Variants in SMAD9 observed in about 807,000 individuals in gnomAD.
SMAD9 encodes MAD homolog 9.
A neutral mutation model predicts 46.1 loss-of-function variants in SMAD9; 36 were observed. The observed-to-expected ratio is 0.78, with a 90% CI of 0.60 to 1.03. SMAD9 has a LOEUF of 1.03. Ranked by LOEUF, SMAD9 falls within the 50% of genes least tolerant of loss-of-function variation. SMAD9 has a pLI of 0.00. For missense variants in SMAD9, 572 were observed against 599.8 expected, an observed-to-expected ratio of 0.95 and a Z score of 0.48; for synonymous variants, 245 against 237.1, an observed-to-expected ratio of 1.03 and a Z score of -0.31.
intron 2 of SMAD9, among the ~76,000 whole-genome samples, chr13:36,878,871 A>C (rs2058372362): frequency 6.6e-6 from 1 of 152,196 alleles, no homozygotes; most frequent in Admixed American, 6.5e-5. Flanking sequence ...CTTTTATGGC[A>C]GTTTTCTCCG....
chr13:36,867,319 T>C lies in SMAD9; in HGVS notation c.735A>G (p.Val245=). The change falls in exon 4 of 7, where the codon GTA becomes GTG. Residue 245 remains valine (V), a synonymous_variant. Coordinates refer to ENST00000379826, the MANE Select transcript of SMAD9 (RefSeq NM_001127217.3). ...EASETQSGQP[V]DATADRHVVL... ...CTACATGTCTATCAGCTGTGGCATC[T>C]ACAGGTTGGCCACTCTGGGTCTCAG... 1 of 1,551,432 alleles carries C rather than the reference T, an allele frequency of 6.4e-7. No individual in the cohort carries two copies. Among genetic ancestry groups the C allele is most frequent in the Non-Finnish European group, 8.7e-7 (1 of 1,146,768 alleles).
intron 1 of SMAD9, among the ~76,000 whole-genome samples, chr13:36,882,344 C>G (rs565077915): frequency 2.0e-5 from 3 of 151,986 alleles, no homozygotes; most frequent in Non-Finnish European, 4.4e-5. Flanking sequence ...TTGAAAAGCA[C>G]TACTCCTAAA....
chr13:36,865,207 T>C (rs2058220595), intron 5 of SMAD9, among the ~76,000 whole-genome samples: 1 of 152,260 alleles, frequency 6.6e-6, no homozygotes, highest in African/African-American at 2.4e-5. Context: ...GTTTGTAAGT[T>C]TTAGGGAAAT....
At chr13:36,866,949 A>G (rs1403966232) in intron 4 of SMAD9, among the ~76,000 whole-genome samples, 1 of 152,238 alleles carries the variant, frequency 6.6e-6, no homozygotes, top group Non-Finnish European at 1.5e-5. Context: ...CACTATAAAC[A>G]TATAGTAAAA....
intron 3 of SMAD9, among the ~76,000 whole-genome samples, chr13:36,872,254 T>C (rs1342378239): frequency 6.6e-6 from 1 of 151,750 alleles, no homozygotes; most frequent in East Asian, 1.9e-4. Flanking sequence ...GGGCTTCCTT[T>C]GATTGTTGAA....
chr13:36,918,481 C>G (rs2058715891), intron 1 of SMAD9, among the ~76,000 whole-genome samples: 1 of 152,214 alleles, frequency 6.6e-6, no homozygotes, highest in South Asian at 2.1e-4. Context: ...GCTGTCTTGC[C>G]ATCACTGAAG....
intron 2 of SMAD9, among the ~76,000 whole-genome samples, chr13:36,875,769 A>G (rs567595203): frequency 6.6e-6 from 1 of 152,338 alleles, no homozygotes; most frequent in South Asian, 2.1e-4. Context: ...TATTCCTAAC[A>G]CTGATAAAAA....
At chr13:36,859,210 T>C (rs2058155724) in intron 5 of SMAD9, among the ~76,000 whole-genome samples, 1 of 152,180 alleles carries the variant, frequency 6.6e-6, no homozygotes, top group Non-Finnish European at 1.5e-5. Flanking sequence ...TGAGAAGCCT[T>C]ACATGTGTTC....
At chr13:36,911,600 C>T (rs2058661494) in intron 1 of SMAD9, among the ~76,000 whole-genome samples, 1 of 101,114 alleles carries the variant, frequency 9.9e-6, no homozygotes, top group Non-Finnish European at 1.8e-5. Context: ...GGCTGTTTCC[C>T]GGCCAAAGGC....
intron 3 of SMAD9, among the ~76,000 whole-genome samples, chr13:36,872,185 T>C (rs989936183): frequency 1.3e-5 from 2 of 152,188 alleles, no homozygotes; most frequent in East Asian, 3.9e-4. Flanking sequence ...ATGCACTGGC[T>C]GGAGCTGGGG....
intron 1 of SMAD9, among the ~76,000 whole-genome samples, chr13:36,918,873 T>C (rs1178138973): frequency 1.3e-5 from 2 of 152,210 alleles, no homozygotes; most frequent in African/African-American, 4.8e-5. Flanking sequence ...CCACAAACGT[T>C]CCGCTCAGTT....
chr13:36,877,936 C>T (rs1038311810), intron 2 of SMAD9, among the ~76,000 whole-genome samples: 9 of 152,100 alleles, frequency 5.9e-5, no homozygotes, highest in Non-Finnish European at 1.3e-4. Context: ...TGGACATGGG[C>T]AATTTCCCTG....
chr13:36,903,770 C>T (rs2058597239), intron 1 of SMAD9, among the ~76,000 whole-genome samples: 1 of 152,008 alleles, frequency 6.6e-6, no homozygotes, highest in Non-Finnish European at 1.5e-5. Context: ...TGAACAAAAT[C>T]TTAAATAAAC....
intron 5 of SMAD9, among the ~76,000 whole-genome samples, chr13:36,854,272 GTTTA>G (rs1198386218): frequency 1.3e-5 from 2 of 152,070 alleles, no homozygotes; most frequent in Non-Finnish European, 2.9e-5. Context: ...CATCATTCCT[GTTTA>G]TTTGTTCCAA....
At chr13:36,892,052 C>T (rs190515896) in intron 1 of SMAD9, among the ~76,000 whole-genome samples, 1 of 152,220 alleles carries the variant, frequency 6.6e-6, no homozygotes, top group East Asian at 1.9e-4. Context: ...GAGTACAAGA[C>T]CATGTTGAAA....
intron 5 of SMAD9, among the ~76,000 whole-genome samples, chr13:36,861,238 G>GCTTT (rs2058178766): frequency 6.6e-6 from 1 of 152,152 alleles, no homozygotes; most frequent in African/African-American, 2.4e-5. Context: ...AAGTCACAAG[G>GCTTT]AATAAAAGCC....
At chr13:36,871,553 C>T (rs1025722247) in intron 3 of SMAD9, among the ~76,000 whole-genome samples, 1 of 152,066 alleles carries the variant, frequency 6.6e-6, no homozygotes, top group Non-Finnish European at 1.5e-5. Flanking sequence ...AAATAAACGC[C>T]TGTGTAGTAA....
intron 1 of SMAD9, among the ~76,000 whole-genome samples, chr13:36,911,378 G>A (rs189038480): frequency 1.3e-5 from 2 of 152,048 alleles, no homozygotes; most frequent in African/African-American, 4.8e-5. Flanking sequence ...CTTTACTAAC[G>A]CAATACAATA....
chr13:36,900,637 G>A (rs980400272), intron 1 of SMAD9, among the ~76,000 whole-genome samples: 7 of 146,812 alleles, frequency 4.8e-5, no homozygotes, highest in Admixed American at 3.5e-4. Context: ...AACCTTTCCT[G>A]ATTTATTTTT....
Sources: allele counts gnomAD v4.1 joint callset (sites outside exome capture counted in the v4.1 genomes callset), GRCh38; gene constraint gnomAD v4.1.1; transcripts MANE v1.5; gene names NCBI Gene and HGNC (gene_info 2026-07-23, HGNC 2026-07-21).